The following RAC1 variants were observed in gnomAD, a reference collection of about 807,000 sequenced individuals.
RAC1 encodes ras-related C3 botulinum toxin substrate 1.
A neutral mutation model predicts 25.2 loss-of-function variants in RAC1; 2 were observed. That is an observed-to-expected ratio of 0.08 (90% confidence interval 0.03 to 0.25). RAC1 has a LOEUF of 0.25. Ranked by LOEUF, RAC1 falls within the 10% of genes least tolerant of loss-of-function variation. RAC1 has a pLI of 1.00. For synonymous variants in RAC1, 88 were observed against 94.0 expected (o/e 0.94, Z 0.37); for missense variants, 50 against 235.7 (o/e 0.21, Z 5.16).
intron 1 of RAC1, among the ~76,000 whole-genome samples, chr7:6,381,584 G>A (rs1357290132): frequency 6.2e-5 from 9 of 145,590 alleles, no homozygotes; most frequent in South Asian, 2.2e-4. Flanking sequence ...TAGTAGAGAC[G>A]GGGTTTCACT....
At chr7:6,387,309 C>T in intron 2 of RAC1, 26 bp downstream of exon 2, 1 of 1,470,716 alleles carries the variant, frequency 6.8e-7, no homozygotes, top group East Asian at 2.4e-5. Flanking sequence ...TGGGAATTAA[C>T]CTGTTTGTGT....
chr7:6,389,289 C>T (rs1377658263), intron 2 of RAC1, among the ~76,000 whole-genome samples: 1 of 151,938 alleles, frequency 6.6e-6, no homozygotes, highest in East Asian at 1.9e-4. Context: ...CTGGCCTTGA[C>T]TTAAGTGGCC....
At chr7:6,375,922 T>G (rs1349754684) in intron 1 of RAC1, 1 of 152,056 alleles carries the variant, frequency 6.6e-6, no homozygotes, top group Non-Finnish European at 1.5e-5. Flanking sequence ...TATAGGTTAG[T>G]GTTAGCGAGG....
At chr7:6,387,626 G>T (rs1012156362) in intron 2 of RAC1, among the ~76,000 whole-genome samples, 1 of 152,004 alleles carries the variant, frequency 6.6e-6, no homozygotes, top group African/African-American at 2.4e-5. Context: ...TTGGGAGGCT[G>T]AGGCAGGAGA....
chr7:6,390,963 C>G (rs1583265082), intron 2 of RAC1, among the ~76,000 whole-genome samples: 1 of 152,264 alleles, frequency 6.6e-6, no homozygotes, highest in East Asian at 1.9e-4. Flanking sequence ...AGTGGCGCAA[C>G]TTGGCCCACT....
At chr7:6,383,257 T>C (rs1384063787) in intron 1 of RAC1, among the ~76,000 whole-genome samples, 1 of 152,230 alleles carries the variant, frequency 6.6e-6, no homozygotes, top group Non-Finnish European at 1.5e-5. Context: ...CCAGTGCAGA[T>C]GTTGACTTGG....
chr7:6,387,395 T>A, intron 2 of RAC1, 112 bp downstream of exon 2: 1 of 774,504 alleles, frequency 1.3e-6, no homozygotes, highest in Non-Finnish European at 2.1e-6. Context: ...AGATACTAAT[T>A]TTTTCTTAAA....
chr7:6,379,084 C>T (rs1206918165), intron 1 of RAC1, among the ~76,000 whole-genome samples: 2 of 151,922 alleles, frequency 1.3e-5, no homozygotes, highest in Admixed American at 1.3e-4. Flanking sequence ...GAGTGAGACT[C>T]CGTCTCAAAA....
At chr7:6,392,506 A>C (rs542643547) in intron 3 of RAC1, among the ~76,000 whole-genome samples, 2 of 152,300 alleles carry the variant, frequency 1.3e-5, no homozygotes, top group South Asian at 4.1e-4. Context: ...CATACAATAG[A>C]ACCTAAATTT....
chr7:6,397,272 A>G (rs1453315673), intron 3 of RAC1, among the ~76,000 whole-genome samples: 1 of 150,124 alleles, frequency 6.7e-6, no homozygotes, highest in East Asian at 2.0e-4. Context: ...GAAAAAAAGA[A>G]AAGCTTGAGT....
At chr7:6,379,391 C>T (rs1335375331) in intron 1 of RAC1, among the ~76,000 whole-genome samples, 1 of 150,372 alleles carries the variant, frequency 6.7e-6, no homozygotes, top group Non-Finnish European at 1.5e-5. Context: ...TCTCCTGCCT[C>T]AGCTTGTCGA....
At chr7:6,389,707 T>A (rs1001353832) in intron 2 of RAC1, among the ~76,000 whole-genome samples, 2 of 152,086 alleles carry the variant, frequency 1.3e-5, no homozygotes, top group African/African-American at 4.8e-5. Flanking sequence ...ATATGTGTTT[T>A]TGTAGAGCTA....
chr7:6,378,700 A>G (rs559048822), intron 1 of RAC1, among the ~76,000 whole-genome samples: 29 of 152,302 alleles, frequency 1.9e-4, no homozygotes, highest in South Asian at 1.2e-3. Flanking sequence ...CATGGGGTCT[A>G]TAATTTTTTT....
intron 1 of RAC1, among the ~76,000 whole-genome samples, chr7:6,381,182 A>T (rs911678640): frequency 6.6e-6 from 1 of 152,130 alleles, no homozygotes; most frequent in Non-Finnish European, 1.5e-5. Flanking sequence ...TTTGAAAAAG[A>T]ATAGGGACTG....
chr7:6,399,380 T>A (rs1407686321), intron 3 of RAC1, among the ~76,000 whole-genome samples: 1 of 152,236 alleles, frequency 6.6e-6, no homozygotes, highest in Non-Finnish European at 1.5e-5. Flanking sequence ...CATTTTAGAA[T>A]TCTTGGGCAT....
intron 3 of RAC1, among the ~76,000 whole-genome samples, chr7:6,392,707 C>T (rs28545021): frequency 0.038 from 5,844 of 152,154 alleles, 386 homozygotes; most frequent in African/African-American, 0.13. Flanking sequence ...CTTTAAGCAG[C>T]GGTTTTACTT....
At chr7:6,383,499 G>A (rs1782831257) in intron 1 of RAC1, among the ~76,000 whole-genome samples, 1 of 151,328 alleles carries the variant, frequency 6.6e-6, no homozygotes, top group South Asian at 2.1e-4. Flanking sequence ...AATAGTGATT[G>A]GTAATAAAAT....
At chr7:6,394,247 C>A (rs554492067) in intron 3 of RAC1, among the ~76,000 whole-genome samples, 2 of 152,316 alleles carry the variant, frequency 1.3e-5, no homozygotes, top group African/African-American at 4.8e-5. Flanking sequence ...TCAGACCATT[C>A]ATTTCTTCTT....
chr7:6,379,114 C>G (rs1583257130), intron 1 of RAC1, among the ~76,000 whole-genome samples: 1 of 151,880 alleles, frequency 6.6e-6, no homozygotes, highest in East Asian at 1.9e-4. Context: ...AAGACAGCAT[C>G]TTACATTCAG....
Sources: gnomAD v4.1 joint callset for allele counts (sites outside exome capture counted in the v4.1 genomes callset) on GRCh38, gnomAD v4.1.1 for gene constraint, MANE v1.5 for transcripts, NCBI Gene and HGNC (gene_info 2026-07-23, HGNC 2026-07-21) for gene names.